ATAD3B: variants seen among roughly 807,000 people sequenced by gnomAD.
The protein encoded by ATAD3B is ATPase family AAA domain containing 3B.
ATAD3B carries 59 observed loss-of-function variants against 70.2 expected under a neutral mutation model. The observed-to-expected ratio is 0.84, with a 90% CI of 0.68 to 1.04. The LOEUF (loss-of-function observed/expected upper bound fraction) is 1.04, where lower values mean the gene tolerates loss of function less well. ATAD3B is among the 50% of genes least tolerant of loss of function. The probability of loss-of-function intolerance (pLI) is 0.00; values close to 1 mark genes in which losing one functional copy is unlikely to be tolerated. For synonymous variants in ATAD3B, 423 were observed against 388.6 expected (o/e 1.09, Z -1.04); for missense variants, 961 against 913.4 (o/e 1.05, Z -0.67).
chr1:1,491,819 C>T (rs151111216), intron 15 of ATAD3B, among the ~76,000 whole-genome samples: 1,710 of 152,062 alleles, frequency 0.011, 43 homozygotes, highest in African/African-American at 0.039. Flanking sequence ...TCTCAAACCC[C>T]GTCCTTGTGG....
intron 15 of ATAD3B, 80 bp from the exon 16 acceptor site, chr1:1,495,404 TC>T: frequency 6.6e-7 from 1 of 1,513,940 alleles, no homozygotes; most frequent in South Asian, 1.3e-5. Context: ...GTTTGGCCCC[TC>T]CCCACCTCGG....
In ATAD3B at chr1:1,490,736, G is replaced by A. The variant is rs544330306; in HGVS notation, c.1614+65G>A. 5.4e-5 allele frequency: 82 copies of A among 1,532,546 alleles called. 1 individual carries two copies. Among genetic ancestry groups the A allele is most frequent in the East Asian group, 1.7e-4 (7 of 41,318 alleles). The allele number at this position is 1,532,546 out of a possible 1,614,324, so 94.9% of individuals were successfully genotyped here. Reference sequence around the variant, plus strand: ...AGCTGCTGTGGAGATGCTCAGTTGCGCCAGGCCTGTCCCAGCACCGGTGTC... The same window carrying A: ...AGCTGCTGTGGAGATGCTCAGTTGCACCAGGCCTGTCCCAGCACCGGTGTC... On this transcript the variant is annotated intron_variant, in intron 15 of 15. Coordinates refer to ENST00000673477, the MANE Select transcript of ATAD3B (RefSeq NM_031921.6).
At chr1:1,491,897 T>C (rs1421778615) in intron 15 of ATAD3B, among the ~76,000 whole-genome samples, 15 of 151,778 alleles carry the variant, frequency 9.9e-5, no homozygotes, top group Non-Finnish European at 1.9e-4. Flanking sequence ...ACTCAGAAAG[T>C]GGAGGCTGGG....
In ATAD3B at chr1:1,472,169, C is replaced by T. The variant is rs996519421; in HGVS notation, c.205+80C>T. On this transcript the variant is annotated intron_variant, in intron 1 of 15. Transcript: ENST00000673477. ...GCGGGAGCCCTGGCCCTTGCCGCTC[C>T]TCGCTGCTGTCGGCAGCCACTTCCC... is the stretch of plus-strand genomic sequence containing the variant. 34 of 1,354,262 alleles carry T rather than the reference C, an allele frequency of 2.5e-5. No homozygotes were observed. In the East Asian group the frequency reaches 1.1e-3, roughly 46 times the overall value. The allele number at this position is 1,354,262 out of a possible 1,614,324, so 83.9% of individuals were successfully genotyped here.
intron 1 of ATAD3B, among the ~76,000 whole-genome samples, chr1:1,473,883 G>A (rs1639457740): frequency 6.6e-6 from 1 of 152,042 alleles, no homozygotes; most frequent in Admixed American, 6.6e-5. Context: ...AAGGAGGGAT[G>A]GCCTGGTGGT....
In ATAD3B at chr1:1,496,254, A is replaced by C. The variant is rs1437412877; in HGVS notation, c.*437A>C. Reference sequence around the variant, plus strand: ...CTGCTCGGGGTTTCAGGGGCGCCCTAGCGTCCTCCTGGGGTCAAAGGTGAC... The same window carrying C: ...CTGCTCGGGGTTTCAGGGGCGCCCTCGCGTCCTCCTGGGGTCAAAGGTGAC... On this transcript the variant is annotated 3_prime_UTR_variant, in exon 16 of 16. Coordinates refer to ENST00000673477, the MANE Select transcript of ATAD3B (RefSeq NM_031921.6). The C allele has an allele frequency of 2.0e-6, 2 of 994,380 alleles. No individual in the cohort carries two copies. Among genetic ancestry groups the C allele is most frequent in the Non-Finnish European group, 2.4e-6 (2 of 835,768 alleles). The allele number at this position is 994,380 out of a possible 1,614,324, so 61.6% of individuals were successfully genotyped here. A position where few individuals can be genotyped will look rare whatever the true frequency, so the allele number is the denominator to read the frequency against.
rs571906229 is a variant in ATAD3B at position 1,482,500 on chromosome 1, C to T, written c.681-45C>T. 4.7e-5 allele frequency: 76 copies of T among 1,613,102 alleles called. 1 individual carries two copies. The highest frequency in any genetic ancestry group is 3.3e-4 in the Admixed American group (20 of 59,962). On this transcript the variant is annotated intron_variant, in intron 6 of 15. Transcript: ENST00000673477. ...CTCAACCTGCTCTCGCTGCGTGGTA[C>T]GGATCTTCGTGTCCTTCCTGGTCAC...
Position 1,477,337 on chromosome 1 carries a change from A to G in ATAD3B, c.269A>G (p.Gln90Arg). Residue 90 changes from glutamine to arginine, a missense_variant, in exon 2 of 16, where the codon CAG becomes CGG. Around this residue, in one of 4 missense-constraint regions of ATAD3B, gnomAD observed 187 missense variants for 244.3 expected, o/e 0.77. Transcript: ENST00000673477. ...GAGCAGACGCTGCAGTTGGAGCAAC[A>G]GTCCAAGCTCAAAGTGAGTGGGGCC... ...MQEQTLQLEQQSKLKEYEAAV... is the reference protein window; with the variant it reads ...MQEQTLQLEQRSKLKEYEAAV... The G allele has an allele frequency of 6.2e-7, 1 of 1,612,200 alleles. No homozygotes were observed.
chr1:1,491,044 G>T (rs1185040922), intron 15 of ATAD3B, among the ~76,000 whole-genome samples: 3 of 152,010 alleles, frequency 2.0e-5, no homozygotes, highest in Non-Finnish European at 4.4e-5. Flanking sequence ...GAGTTGGGTG[G>T]TGGGGGTGGA....
At chr1:1,489,904 T>C in intron 13 of ATAD3B, 3 of 1,222,618 alleles carry the variant, frequency 2.5e-6, no homozygotes, top group Non-Finnish European at 2.1e-6. Flanking sequence ...GGCCATAATC[T>C]TGACAGGGAC....
chr1:1,502,220 C>CTT (rs377727458), downstream of ATAD3B, among the ~76,000 whole-genome samples: 10 of 142,740 alleles, frequency 7.0e-5, no homozygotes, highest in South Asian at 6.6e-4. Context: ...TTTTCTCTCT[C>CTT]TTTTTTTTTT....
chr1:1,507,932 G>A, the ATAD3B span, among the ~76,000 whole-genome samples: 11 of 152,330 alleles, frequency 7.2e-5, no homozygotes, highest in East Asian at 1.5e-3. Flanking sequence ...GGCCCCACCC[G>A]CGACTGGGTC....
chr1:1,487,645 A>G (rs528540589), intron 11 of ATAD3B, among the ~76,000 whole-genome samples: 12 of 151,890 alleles, frequency 7.9e-5, no homozygotes, highest in African/African-American at 1.2e-4. Flanking sequence ...CCCCCTGTGT[A>G]GTTGGTTTCC....
chr1:1,479,911 C>T (rs866734054), intron 4 of ATAD3B, among the ~76,000 whole-genome samples: 1 of 144,228 alleles, frequency 6.9e-6, no homozygotes, highest in Non-Finnish European at 1.5e-5. Flanking sequence ...CACACACGGG[C>T]GCGCACACAC....
At chr1:1,500,380 G>A (rs1322234505), downstream of ATAD3B, among the ~76,000 whole-genome samples, 9 of 148,594 alleles carry the variant, frequency 6.1e-5, no homozygotes, top group African/African-American at 2.2e-4. Context: ...GTGAAACCCC[G>A]TCTCTACTAA....
the ATAD3B span, among the ~76,000 whole-genome samples, chr1:1,508,988 C>T: frequency 1.4e-5 from 2 of 139,160 alleles, 1 homozygote; most frequent in African/African-American, 6.3e-5. Context: ...TGAGCAACAG[C>T]AGTGCTGAGG....
At chr1:1,482,068 G>A in intron 5 of ATAD3B, 70 bp from the exon 6 acceptor site, 1 of 1,557,314 alleles carries the variant, frequency 6.4e-7, no homozygotes, top group Non-Finnish European at 8.7e-7. Context: ...GCGTGGGCCG[G>A]TCCACAGTGT....
Position 1,479,822 on chromosome 1 carries a change from A to G in ATAD3B, c.444+714A>G, listed in dbSNP as rs567703304. ...GGGCCCGCTCACACAGCCCACACACATACCCCTTCACACAGGCACACACCG... is the reference window on the plus strand; with the variant it reads ...GGGCCCGCTCACACAGCCCACACACGTACCCCTTCACACAGGCACACACCG... On this transcript the variant is annotated intron_variant, in intron 4 of 15. Transcript: ENST00000673477. 1.1e-3 allele frequency among the ~76,000 whole-genome samples: 138 copies of G among 122,298 alleles called. 13 individuals are homozygous for G. The highest frequency in any genetic ancestry group is 4.4e-3 in the African/African-American group (132 of 30,188). The allele number at this position is 122,298 out of a possible 152,430, so 80.2% of individuals were successfully genotyped here. A position where few individuals can be genotyped will look rare whatever the true frequency, so the allele number is the denominator to read the frequency against.
intron 7 of ATAD3B, chr1:1,483,813 A>AAGG (rs1359022729): frequency 1.3e-5 from 2 of 152,244 alleles, no homozygotes; most frequent in African/African-American, 4.8e-5. Context: ...AAACAAAGTC[A>AAGG]AGGGCGCATT....
Sources: gnomAD v4.1 joint callset for allele counts (sites outside exome capture counted in the v4.1 genomes callset) on GRCh38, gnomAD v4.1.1 for gene constraint, gnomAD v4.1.1 regional missense constraint, MANE v1.5 for transcripts, NCBI Gene and HGNC (gene_info 2026-07-23, HGNC 2026-07-21) for gene names.